The following WDR31 variants were observed in gnomAD, a reference collection of about 807,000 sequenced individuals.
The protein encoded by WDR31 is WD repeat domain 31, also known as WD repeat-containing protein 31.
A neutral mutation model predicts 47.3 loss-of-function variants in WDR31; 30 were observed. The ratio of observed to expected loss-of-function variants is 0.63; its 90% CI spans 0.47 to 0.86. The LOEUF (loss-of-function observed/expected upper bound fraction) is 0.86, where lower values mean the gene tolerates loss of function less well. WDR31 is among the 40% of genes least tolerant of loss of function. The pLI, the probability that WDR31 is intolerant of heterozygous loss-of-function variation, is 0.00. For missense variants in WDR31, 406 were observed against 442.9 expected, an observed-to-expected ratio of 0.92 and a Z score of 0.75; for synonymous variants, 137 against 159.4, an observed-to-expected ratio of 0.86 and a Z score of 1.06.
chr9:113,319,564 AG>A (rs1183782207), intron 9 of WDR31, among the ~76,000 whole-genome samples: 1 of 152,210 alleles, frequency 6.6e-6, no homozygotes, highest in Non-Finnish European at 1.5e-5. Context: ...TCAATAAAAT[AG>A]GAGGCATAAT....
At chr9:113,322,941 G>A (rs1163375072) in intron 6 of WDR31, 30 bp from the exon 7 acceptor site, 5 of 1,614,092 alleles carry the variant, frequency 3.1e-6, no homozygotes, top group Admixed American at 1.7e-5. Flanking sequence ...AAGACAGCCT[G>A]TGAGTGGGGA....
intron 4 of WDR31, among the ~76,000 whole-genome samples, chr9:113,329,929 C>T (rs888380733): frequency 3.3e-5 from 5 of 151,804 alleles, no homozygotes; most frequent in South Asian, 2.1e-4. Flanking sequence ...TGTGGTGAGC[C>T]GAGATGGCGC....
At position 113,316,840 on chromosome 9, in the gene WDR31, G is replaced by C. The variant is rs267602091; in HGVS notation, c.1013C>G (p.Ser338Cys). The C allele has an allele frequency of 1.2e-6, 2 of 1,614,142 alleles. No homozygotes were observed. Among genetic ancestry groups the C allele is most frequent in the Non-Finnish European group, 1.7e-6 (2 of 1,180,030 alleles). ...TCTGTTAAAACTTGCACACAATAAGGAGATGGCGTCACCAACAGCCAGAGA... is the reference window on the plus strand; with the variant it reads ...TCTGTTAAAACTTGCACACAATAAGCAGATGGCGTCACCAACAGCCAGAGA... The part of the protein sequence containing the change: ...LTSLAVGDAI[S>C]LLCASFNRGI... The change falls in exon 11 of 11, where the codon TCC (serine) becomes TGC (cysteine). Residue 338 changes from serine to cysteine, a missense_variant. Physicochemically the swap from Ser to Cys is moderately radical, Grantham distance 112. Transcript: ENST00000374193.
At chr9:113,317,003 G>A (rs1346557635) in intron 10 of WDR31, 94 bp from the exon 11 acceptor site, 1 of 1,415,786 alleles carries the variant, frequency 7.1e-7, no homozygotes, top group Admixed American at 2.2e-5. Flanking sequence ...TAAAGCATTT[G>A]CTGTACATAT....
intron 2 of WDR31, among the ~76,000 whole-genome samples, chr9:113,335,568 T>G (rs978710457): frequency 1.3e-5 from 2 of 152,220 alleles, no homozygotes; most frequent in African/African-American, 4.8e-5. Context: ...ACCAACTTAA[T>G]ATTCTCATTC....
chr9:113,336,548 C>G (rs996752131), intron 1 of WDR31, 108 bp from the exon 2 acceptor site: 3 of 152,212 alleles, frequency 2.0e-5, no homozygotes, highest in Non-Finnish European at 4.4e-5. Flanking sequence ...CCAAGATTAT[C>G]TCTCTCACAT....
chr9:113,333,034 C>T (rs1833632370), intron 2 of WDR31, among the ~76,000 whole-genome samples: 2 of 152,188 alleles, frequency 1.3e-5, no homozygotes, highest in African/African-American at 4.8e-5. Context: ...ACTTTTCATA[C>T]AGCCTGCAGA....
In WDR31 at chr9:113,315,046, G is replaced by A. The variant is rs1833159881; in HGVS notation, c.*1703C>T. 6.6e-6 allele frequency: 1 copy of A among 152,180 alleles called. No individual in the cohort carries two copies. Among genetic ancestry groups the A allele is most frequent in the South Asian group, 2.1e-4 (1 of 4,822 alleles). The allele number at this position is 152,180 out of a possible 1,614,324, so 9.4% of individuals were successfully genotyped here. On this transcript the variant is annotated 3_prime_UTR_variant, in exon 11 of 11. Transcript: ENST00000374193. ...CTTGCCCAAGATCATCCAGCTAAAT[G>A]GAGAAGTGGAGATTCAAAGTCGGGT...
rs1238647270 is a variant in WDR31, at chr9:113,314,910, C to G, written c.*1839G>C. The G allele has an allele frequency of 2.0e-5, 3 of 152,242 alleles. No homozygotes were observed. Among genetic ancestry groups the G allele is most frequent in the African/African-American group, 7.2e-5 (3 of 41,448 alleles). 9.4% of individuals were successfully genotyped at this position (152,242 alleles called of 1,614,324 possible). On this transcript the variant is annotated 3_prime_UTR_variant, in exon 11 of 11. Transcript: ENST00000374193. The stretch of plus-strand genomic sequence containing the variant: ...GGATTACAGGTTTGAGCCACTGCGC[C>G]TGGCCTTTCCTGGCATTTAAAATAG...
At chr9:113,321,247 C>CA (rs1432500255) in intron 8 of WDR31, among the ~76,000 whole-genome samples, 1 of 152,228 alleles carries the variant, frequency 6.6e-6, no homozygotes, top group Non-Finnish European at 1.5e-5. Context: ...AACACCTTCA[C>CA]ACAGCAGGAG....
In WDR31 at chr9:113,315,977, G is replaced by C. The variant is rs767069636; in HGVS notation, c.*772C>G. ...AAATCCAAATGAAAATATTAAAATT[G>C]CAAGTGAGATATTTTTGGCCTTAAT... On this transcript the variant is annotated 3_prime_UTR_variant, in exon 11 of 11. Coordinates refer to ENST00000374193, the MANE Select transcript of WDR31 (RefSeq NM_001012361.4). The C allele has an allele frequency of 1.2e-4, 18 of 152,108 alleles. No individual in the cohort carries two copies. Among genetic ancestry groups the C allele is most frequent in the African/African-American group, 3.1e-4 (13 of 41,414 alleles). The allele number at this position is 152,108 out of a possible 1,614,324, so 9.4% of individuals were successfully genotyped here. A position where few individuals can be genotyped will look rare whatever the true frequency, so the allele number is the denominator to read the frequency against.
chr9:113,340,084 A>C (rs1393448279), intron 1 of WDR31, 133 bp downstream of exon 1: 1 of 152,290 alleles, frequency 6.6e-6, no homozygotes, highest in African/African-American at 2.4e-5. Flanking sequence ...AGAGTCCCCG[A>C]AGATGGGAAC....
chr9:113,329,016 T>G, intron 4 of WDR31, 61 bp from the exon 5 acceptor site: 3 of 1,414,142 alleles, frequency 2.1e-6, no homozygotes, highest in Non-Finnish European at 3.0e-6. Flanking sequence ...CACTAGCCTC[T>G]ACTGCATTCT....
chr9:113,318,812 A>T (rs1833266732), intron 9 of WDR31, among the ~76,000 whole-genome samples, 175 bp from the exon 10 acceptor site: 1 of 152,092 alleles, frequency 6.6e-6, no homozygotes, highest in African/African-American at 2.4e-5. Flanking sequence ...AGACCCAATG[A>T]CCCATCCATC....
intron 5 of WDR31, among the ~76,000 whole-genome samples, chr9:113,323,938 T>C (rs1013425396): frequency 6.6e-6 from 1 of 152,258 alleles, no homozygotes. Context: ...TTGATATTAT[T>C]ATCATCCCAA....
chr9:113,327,962 C>T (rs1319370554), intron 5 of WDR31, among the ~76,000 whole-genome samples: 1 of 151,548 alleles, frequency 6.6e-6, no homozygotes, highest in African/African-American at 2.4e-5. Flanking sequence ...AATTCCTGGC[C>T]TCAAATGATC....
At chr9:113,335,359 T>A (rs1833694023) in intron 2 of WDR31, among the ~76,000 whole-genome samples, 1 of 152,188 alleles carries the variant, frequency 6.6e-6, no homozygotes, top group Non-Finnish European at 1.5e-5. Context: ...CTCCATGTCA[T>A]GTGTCCCCTG....
intron 4 of WDR31, among the ~76,000 whole-genome samples, chr9:113,329,695 C>G (rs1833551570): frequency 7.1e-6 from 1 of 141,554 alleles, no homozygotes; most frequent in South Asian, 2.3e-4. Flanking sequence ...AAAACAGGGC[C>G]AGGCACAGTG....
chr9:113,316,691 C>A lies in WDR31; in HGVS notation c.*58G>T. 2 of 1,560,974 alleles carry A rather than the reference C, an allele frequency of 1.3e-6. No individual in the cohort carries two copies. The highest frequency in any genetic ancestry group is 1.8e-5 in the Admixed American group (1 of 54,152). On this transcript the variant is annotated 3_prime_UTR_variant, in exon 11 of 11. Transcript: ENST00000374193. ...CCCCTCAAGATAACTGGGAAAGACACAAAGCCATGCTGAGGAGGAGCCATG... is the reference window on the plus strand; with the variant it reads ...CCCCTCAAGATAACTGGGAAAGACAAAAAGCCATGCTGAGGAGGAGCCATG...
Sources: gnomAD v4.1 joint callset for allele counts (sites outside exome capture counted in the v4.1 genomes callset) on GRCh38, gnomAD v4.1.1 for gene constraint, MANE v1.5 for transcripts, NCBI Gene and HGNC (gene_info 2026-07-23, HGNC 2026-07-21) for gene names.